TPTE2: variants seen among roughly 807,000 people sequenced by gnomAD.
TPTE2 encodes transmembrane phosphoinositide 3-phosphatase and tensin homolog 2, also known as phosphatidylinositol 3,4,5-trisphosphate 3-phosphatase TPTE2.
Under a neutral mutation model 78.6 loss-of-function variants are expected in TPTE2, and 53 were observed. The ratio of observed to expected loss-of-function variants is 0.67; its 90% CI spans 0.54 to 0.85. The LOEUF (loss-of-function observed/expected upper bound fraction) is 0.85. TPTE2 is among the 40% of genes least tolerant of loss of function. TPTE2 has a pLI of 0.00. For synonymous variants in TPTE2, 175 were observed against 206.2 expected (o/e 0.85, Z 1.30); for missense variants, 461 against 623.0 (o/e 0.74, Z 2.77).
At chr13:19,530,913 C>T (rs1044160489) in intron 1 of TPTE2, among the ~76,000 whole-genome samples, 6 of 152,136 alleles carry the variant, frequency 3.9e-5, no homozygotes, top group African/African-American at 1.2e-4. Flanking sequence ...GAAGTACATT[C>T]GCATTGTTAT....
At position 19,493,612 on chromosome 13, in the gene TPTE2, T is replaced by C. The variant is rs114687072; in HGVS notation, c.12-111A>G. ...CAGAAACCAATTAATTTCTGACTAT[T>C]CATGTATACAGCACTATTGGAACCT... On this transcript the variant is annotated intron_variant, in intron 1 of 19. Transcript: ENST00000400230. 6.3e-3 allele frequency: 5,916 copies of C among 942,546 alleles called. 28 individuals are homozygous for C. Among genetic ancestry groups the C allele is most frequent in the Non-Finnish European group, 8.8e-3 (5,070 of 577,860 alleles). 58.4% of individuals were successfully genotyped at this position (942,546 alleles called of 1,614,324 possible). A position where few individuals can be genotyped will look rare whatever the true frequency, so the allele number is the denominator to read the frequency against.
the TPTE2 span, among the ~76,000 whole-genome samples, chr13:19,543,925 T>G: frequency 8.0e-5 from 12 of 150,484 alleles, no homozygotes; most frequent in African/African-American, 2.9e-4. Flanking sequence ...TAGCTAGGTG[T>G]GATGGCAATG....
intron 13 of TPTE2, among the ~76,000 whole-genome samples, chr13:19,449,307 G>A (rs1263937834): frequency 1.3e-5 from 2 of 152,188 alleles, no homozygotes; most frequent in East Asian, 1.9e-4. Context: ...CCGAGTAGCT[G>A]GGATTACAGG....
At chr13:19,503,001 C>A (rs1272482923) in intron 1 of TPTE2, among the ~76,000 whole-genome samples, 1 of 152,088 alleles carries the variant, frequency 6.6e-6, no homozygotes, top group African/African-American at 2.4e-5. Context: ...GAATTGGAAA[C>A]CCTGTTAAAA....
intron 3 of TPTE2, among the ~76,000 whole-genome samples, chr13:19,491,785 A>G (rs1018490319): frequency 6.6e-6 from 1 of 152,204 alleles, no homozygotes; most frequent in Non-Finnish European, 1.5e-5. Context: ...AGATCGCGCC[A>G]CTGCACTCCA....
At chr13:19,484,006 T>A (rs1320318032) in intron 3 of TPTE2, among the ~76,000 whole-genome samples, 3 of 139,434 alleles carry the variant, frequency 2.2e-5, no homozygotes, top group African/African-American at 8.0e-5. Flanking sequence ...TATTCCCACC[T>A]ATGAGTGAGA....
At chr13:19,489,145 T>C (rs1036239405) in intron 3 of TPTE2, among the ~76,000 whole-genome samples, 2 of 152,160 alleles carry the variant, frequency 1.3e-5, no homozygotes, top group Non-Finnish European at 2.9e-5. Context: ...ATGGTTCGTG[T>C]TGCCCCAAAA....
intron 13 of TPTE2, among the ~76,000 whole-genome samples, chr13:19,439,384 A>T (rs541222405): frequency 6.6e-6 from 1 of 152,142 alleles, no homozygotes; most frequent in East Asian, 1.9e-4. Flanking sequence ...CATGCTCTAC[A>T]GTCACACCCT....
intron 6 of TPTE2, 26 bp downstream of exon 9, chr13:19,473,888 T>C: frequency 2.6e-6 from 4 of 1,564,098 alleles, no homozygotes; most frequent in Non-Finnish European, 3.5e-6. Flanking sequence ...AATAGCTTAA[T>C]GCATTATAAA....
intron 1 of TPTE2, among the ~76,000 whole-genome samples, chr13:19,524,413 T>G (rs7320408): frequency 0.037 from 5,691 of 152,202 alleles, 382 homozygotes; most frequent in African/African-American, 0.13. Flanking sequence ...TCCTGATTGG[T>G]AGTACTTCCA....
At chr13:19,491,965 A>G (rs191780562) in intron 3 of TPTE2, among the ~76,000 whole-genome samples, 1 of 152,318 alleles carries the variant, frequency 6.6e-6, no homozygotes, top group East Asian at 1.9e-4. Flanking sequence ...TTAATGAGCA[A>G]CTACAGAATT....
At chr13:19,430,499 A>T in exon 17 of TPTE2, 2 of 1,610,982 alleles carry the variant, frequency 1.2e-6, no homozygotes. Context: ...ACTGGAAAAG[A>T]CAACCTTTTT....
chr13:19,560,366 C>T, the TPTE2 span: 5,271 of 1,601,446 alleles, frequency 3.3e-3, 21 homozygotes, highest in South Asian at 9.7e-3. Context: ...AGCAGGGCAG[C>T]CCCCAGTTCC....
At chr13:19,431,386 A>G (rs1356572435) in intron 16 of TPTE2, among the ~76,000 whole-genome samples, 1 of 151,996 alleles carries the variant, frequency 6.6e-6, no homozygotes, top group East Asian at 1.9e-4. Flanking sequence ...CCTTTTTTTC[A>G]ATTCAAATGA....
At position 19,473,388 on chromosome 13, in the gene TPTE2, T is replaced by C. The variant is rs117818193; in HGVS notation, c.392+526A>G. Among the ~76,000 whole-genome samples the C allele has an allele frequency of 6.3e-3, 955 of 152,248 alleles. 5 individuals are homozygous for C. Among genetic ancestry groups the C allele is most frequent in the Non-Finnish European group, 0.011 (774 of 68,028 alleles). Reference sequence around the variant, plus strand: ...CTTTAAAAGTCTACCTAGTGTTTTATTGTGCTACGGCTGAGCTGTCACTCA... The same window carrying C: ...CTTTAAAAGTCTACCTAGTGTTTTACTGTGCTACGGCTGAGCTGTCACTCA... On this transcript the variant is annotated intron_variant, in intron 6 of 19. Transcript: ENST00000400230.
chr13:19,472,337 T>C (rs143331564), intron 6 of TPTE2, among the ~76,000 whole-genome samples: 1 of 152,000 alleles, frequency 6.6e-6, no homozygotes, highest in Non-Finnish European at 1.5e-5. Context: ...CCTGTAGGCA[T>C]GCATCATTGT....
At chr13:19,533,975 A>G (rs1214643682) in intron 1 of TPTE2, among the ~76,000 whole-genome samples, 1 of 152,256 alleles carries the variant, frequency 6.6e-6, no homozygotes, top group Non-Finnish European at 1.5e-5. Flanking sequence ...AGACAGGAAC[A>G]TTAAATTTGT....
At chr13:19,494,003 G>T (rs1368377663) in intron 1 of TPTE2, among the ~76,000 whole-genome samples, 1 of 152,200 alleles carries the variant, frequency 6.6e-6, no homozygotes, top group African/African-American at 2.4e-5. Flanking sequence ...GAGTTCTGGA[G>T]GGTGGAGAAC....
intron 4 of TPTE2, among the ~76,000 whole-genome samples, chr13:19,480,155 G>A: frequency 6.6e-6 from 1 of 152,062 alleles, no homozygotes; most frequent in Non-Finnish European, 1.5e-5. Flanking sequence ...TGTATTGAAG[G>A]CAGGTGCTAT....
Sources: gnomAD v4.1 joint callset for allele counts (sites outside exome capture counted in the v4.1 genomes callset) on GRCh38, gnomAD v4.1.1 for gene constraint, MANE v1.5 for transcripts, NCBI Gene and HGNC (gene_info 2026-07-23, HGNC 2026-07-21) for gene names.